Variants in GALNT14 observed in about 807,000 individuals in gnomAD.
GALNT14 encodes the protein polypeptide N-acetylgalactosaminyltransferase 14, also known as UDP-GalNAc:polypeptide N-acetylgalactosaminyltransferase 14.
Under a neutral mutation model 77.5 loss-of-function variants are expected in GALNT14, and 60 were observed. That is an observed-to-expected ratio of 0.77 (90% CI 0.63 to 0.96). The LOEUF is 0.96. Ranked by LOEUF, GALNT14 falls within the 40% of genes least tolerant of loss-of-function variation. GALNT14 has a pLI of 0.00. For missense variants in GALNT14, 710 were observed against 731.0 expected (o/e 0.97, Z 0.33); for synonymous variants, 280 against 281.7 (o/e 0.99, Z 0.06).
Position 30,964,954 on chromosome 2 carries a change from G to A in GALNT14, c.398+1250C>T, listed in dbSNP as rs530328020. Among the ~76,000 whole-genome samples, 85 of 152,292 alleles carry A rather than the reference G, an allele frequency of 5.6e-4. No homozygotes were observed. The South Asian group carries it at 0.017, about 30-fold the overall frequency. Reference sequence around the variant, plus strand: ...ACAATGAGATTTTGCTGTGTTTCGTGTGCTCTCTGACCCATGTTTCATCAT... The same window carrying A: ...ACAATGAGATTTTGCTGTGTTTCGTATGCTCTCTGACCCATGTTTCATCAT... On this transcript the variant is annotated intron_variant, in intron 3 of 14. Coordinates refer to ENST00000349752, the MANE Select transcript of GALNT14 (RefSeq NM_024572.4).
downstream of GALNT14, among the ~76,000 whole-genome samples, chr2:30,907,307 C>A (rs564598445): frequency 2.9e-3 from 448 of 151,974 alleles, no homozygotes; most frequent in Non-Finnish European, 5.7e-3. Context: ...ATTGATAGAC[C>A]GCTAGCAAGA....
chr2:31,137,908 G>T, intron 1 of GALNT14, 50 bp downstream of exon 1: 1 of 1,563,900 alleles, frequency 6.4e-7, no homozygotes, highest in Non-Finnish European at 8.7e-7. Context: ...CGGGCTGCGC[G>T]CCCTCCCGCA....
intron 1 of GALNT14, among the ~76,000 whole-genome samples, chr2:31,054,505 T>C (rs118034971): frequency 6.6e-6 from 1 of 152,328 alleles, no homozygotes; most frequent in East Asian, 1.9e-4. Context: ...AGCAGATTCT[T>C]GTCCATCATA....
chr2:31,048,538 G>T (rs374135217), intron 1 of GALNT14, among the ~76,000 whole-genome samples: 2 of 151,880 alleles, frequency 1.3e-5, no homozygotes, highest in South Asian at 4.1e-4. Flanking sequence ...AGATTCTTGG[G>T]AGCAAAAATA....
intron 11 of GALNT14, among the ~76,000 whole-genome samples, chr2:30,925,926 G>A (rs1665347005): frequency 6.6e-6 from 1 of 152,188 alleles, no homozygotes; most frequent in Admixed American, 6.5e-5. Flanking sequence ...TTCAAACAGG[G>A]AAGTGGGGGT....
intron 2 of GALNT14, 38 bp downstream of exon 2, chr2:30,992,800 G>T: frequency 1.9e-6 from 3 of 1,602,878 alleles, no homozygotes; most frequent in South Asian, 2.2e-5. Flanking sequence ...GATCTCTTTT[G>T]ACTGCGGGGG....
intron 1 of GALNT14, among the ~76,000 whole-genome samples, chr2:31,038,706 T>TA (rs1211974645): frequency 6.6e-6 from 1 of 151,892 alleles, no homozygotes. Flanking sequence ...TAGGGCAAGT[T>TA]AAAATCCCAC....
At chr2:30,921,024 G>GC (rs1664999468) in intron 13 of GALNT14, among the ~76,000 whole-genome samples, 1 of 152,312 alleles carries the variant, frequency 6.6e-6, no homozygotes, top group African/African-American at 2.4e-5. Context: ...CACAGGCCAT[G>GC]CCCAGGATGA....
intron 9 of GALNT14, among the ~76,000 whole-genome samples, chr2:30,937,094 T>A (rs746752061): frequency 1.3e-5 from 2 of 152,220 alleles, no homozygotes; most frequent in Non-Finnish European, 2.9e-5. Flanking sequence ...CACACTTGTA[T>A]GCTCTTCTCA....
At chr2:30,970,680 T>C (rs1390268024) in intron 2 of GALNT14, among the ~76,000 whole-genome samples, 1 of 152,096 alleles carries the variant, frequency 6.6e-6, no homozygotes, top group East Asian at 1.9e-4. Flanking sequence ...TCCTGGTCTC[T>C]GAGACCCCCA....
rs117609852 is a variant in GALNT14 at position 30,981,941 on chromosome 2, A to G, written c.299+10897T>C. Reference sequence around the variant, plus strand: ...AGTTATTTCTTCCCCTTACTTTATCATGCTGCCTCACAATGTTGGACAAAA... The same window carrying G: ...AGTTATTTCTTCCCCTTACTTTATCGTGCTGCCTCACAATGTTGGACAAAA... On this transcript the variant is annotated intron_variant, in intron 2 of 14. Transcript: ENST00000349752. 5.4e-3 allele frequency among the ~76,000 whole-genome samples: 820 copies of G among 152,236 alleles called. 17 individuals carry two copies. Among genetic ancestry groups the G allele is most frequent in the South Asian group, 0.045 (217 of 4,804 alleles).
At chr2:30,932,037 G>C (rs1665761834) in intron 10 of GALNT14, 31 bp downstream of exon 10, 1 of 1,466,686 alleles carries the variant, frequency 6.8e-7, no homozygotes, top group African/African-American at 1.4e-5. Context: ...CTGTGCTGCT[G>C]CCCACCCGCG....
At chr2:31,013,155 A>G (rs1335945883) in intron 1 of GALNT14, among the ~76,000 whole-genome samples, 1 of 152,248 alleles carries the variant, frequency 6.6e-6, no homozygotes, top group Non-Finnish European at 1.5e-5. Context: ...TTATTAAAGC[A>G]ACTACAGGAG....
intron 2 of GALNT14, among the ~76,000 whole-genome samples, chr2:30,978,156 A>G (rs1315499836): frequency 6.6e-6 from 1 of 152,148 alleles, no homozygotes; most frequent in Admixed American, 6.5e-5. Context: ...CAGCCCAGTC[A>G]CTGCCCTTGA....
intron 9 of GALNT14, among the ~76,000 whole-genome samples, chr2:30,934,407 G>A (rs754815668): frequency 6.6e-5 from 10 of 152,150 alleles, no homozygotes; most frequent in African/African-American, 1.4e-4. Flanking sequence ...GTCCTTGCTC[G>A]CTAGATATAA....
intron 1 of GALNT14, among the ~76,000 whole-genome samples, chr2:31,081,520 T>C (rs1205558674): frequency 6.6e-6 from 1 of 152,230 alleles, no homozygotes; most frequent in Non-Finnish European, 1.5e-5. Context: ...ACAGTTCAAT[T>C]TATCTCAGCA....
At chr2:30,887,413 A>T in the GALNT14 span, among the ~76,000 whole-genome samples, 1 of 152,070 alleles carries the variant, frequency 6.6e-6, no homozygotes, top group African/African-American at 2.4e-5. Flanking sequence ...TTTTCATATG[A>T]TAGCCATCCT....
At chr2:30,941,289 A>G (rs1666364159) in intron 9 of GALNT14, among the ~76,000 whole-genome samples, 1 of 152,170 alleles carries the variant, frequency 6.6e-6, no homozygotes, top group Non-Finnish European at 1.5e-5. Flanking sequence ...GGCAGCCACT[A>G]TGCTAAGCAC....
chr2:30,957,366 A>C (rs1667430281), intron 4 of GALNT14, among the ~76,000 whole-genome samples: 1 of 152,192 alleles, frequency 6.6e-6, no homozygotes, highest in Non-Finnish European at 1.5e-5. Context: ...GAACCTAGGC[A>C]GTCTGGCTCC....
Sources: gnomAD v4.1 joint callset for allele counts (sites outside exome capture counted in the v4.1 genomes callset) on GRCh38, gnomAD v4.1.1 for gene constraint, MANE v1.5 for transcripts, NCBI Gene and HGNC (gene_info 2026-07-23, HGNC 2026-07-21) for gene names.